Variants in N4BP1 observed in about 807,000 individuals in gnomAD.
N4BP1 encodes the protein NEDD4 binding protein 1.
N4BP1 carries 21 observed loss-of-function variants against 70.9 expected under a neutral mutation model. That is an observed-to-expected ratio of 0.30 (90% CI 0.21 to 0.43). The LOEUF (loss-of-function observed/expected upper bound fraction) is 0.43, where lower values mean the gene tolerates loss of function less well. Among genes scored for constraint, N4BP1 ranks in the 20% least tolerant of loss-of-function variants. The probability of loss-of-function intolerance (pLI) is 1.00; values close to 1 mark genes in which losing one functional copy is unlikely to be tolerated. For synonymous variants in N4BP1, 387 were observed against 394.6 expected, an observed-to-expected ratio of 0.98 and a Z score of 0.23; for missense variants, 936 against 1,069.4, an observed-to-expected ratio of 0.88 and a Z score of 1.74.
rs908126070 is a variant in N4BP1 at position 48,542,599 on chromosome 16, G to A, written c.*305C>T. On this transcript the variant is annotated 3_prime_UTR_variant, in exon 7 of 7. Transcript: ENST00000262384. Reference sequence around the variant, plus strand: ...AATATTTTCGGCTTTAAGGAAAATAGTTTAAAAAACATAAAAAGGTAAATA... The same window carrying A: ...AATATTTTCGGCTTTAAGGAAAATAATTTAAAAAACATAAAAAGGTAAATA... 3.7e-5 allele frequency: 9 copies of A among 242,328 alleles called. No homozygotes were observed. Among genetic ancestry groups the A allele is most frequent in the Non-Finnish European group, 6.3e-5 (8 of 127,904 alleles). The allele number at this position is 242,328 out of a possible 1,614,324, so 15.0% of individuals were successfully genotyped here.
chr16:48,583,003 T>C (rs939698044), intron 1 of N4BP1, among the ~76,000 whole-genome samples: 4 of 152,204 alleles, frequency 2.6e-5, no homozygotes, highest in African/African-American at 4.8e-5. Flanking sequence ...GGGGAACTGC[T>C]TGAGCCCAGT....
At chr16:48,596,288 G>C (rs1179783904) in intron 1 of N4BP1, among the ~76,000 whole-genome samples, 1 of 152,050 alleles carries the variant, frequency 6.6e-6, no homozygotes, top group Non-Finnish European at 1.5e-5. Context: ...CCTTATCCTA[G>C]AACTCAGTAT....
intron 1 of N4BP1, among the ~76,000 whole-genome samples, chr16:48,584,884 T>G (rs980411003): frequency 4.6e-5 from 7 of 152,224 alleles, no homozygotes; most frequent in African/African-American, 1.7e-4. Flanking sequence ...AATACTAATT[T>G]AAAAATAGAT....
At chr16:48,555,151 T>C (rs3826176) in intron 2 of N4BP1, among the ~76,000 whole-genome samples, 92,530 of 152,148 alleles carry the variant, frequency 0.61, 30,534 homozygotes, top group East Asian at 0.9. Flanking sequence ...TTCTATGAAG[T>C]TATTTCTAGA....
chr16:48,545,953 G>GT, intron 6 of N4BP1, 194 bp downstream of exon 6: 2 of 432,470 alleles, frequency 4.6e-6, no homozygotes, highest in South Asian at 5.7e-5. Flanking sequence ...CTGAAGCCCA[G>GT]TGGGGCAAAG....
In N4BP1 at chr16:48,610,011, G is replaced by T; in HGVS notation, c.-39C>A. ...TCCCGCGGCGGCGCCGGGGGCCGGC[G>T]GCGGCGACGCCCCCTCAGCTTGCTG... is the stretch of plus-strand genomic sequence containing the variant. On this transcript the variant is annotated 5_prime_UTR_variant, in exon 1 of 7. Coordinates refer to ENST00000262384, the MANE Select transcript of N4BP1 (RefSeq NM_153029.4). 9.2e-7 allele frequency: 1 copy of T among 1,088,526 alleles called. No individual in the cohort carries two copies. Among genetic ancestry groups the T allele is most frequent in the Non-Finnish European group, 1.1e-6 (1 of 892,720 alleles). The allele number at this position is 1,088,526 out of a possible 1,614,324, so 67.4% of individuals were successfully genotyped here.
At chr16:48,547,933 C>T (rs1358254379) in intron 5 of N4BP1, 74 bp downstream of exon 5, 18 of 1,012,914 alleles carry the variant, frequency 1.8e-5, no homozygotes, top group Non-Finnish European at 2.6e-5. Flanking sequence ...GAAAACAAAA[C>T]GAACAAAATG....
chr16:48,553,915 A>G (rs1963711933), intron 2 of N4BP1, among the ~76,000 whole-genome samples: 1 of 152,190 alleles, frequency 6.6e-6, no homozygotes, highest in African/African-American at 2.4e-5. Flanking sequence ...TGTTGTTATG[A>G]TAGAAAGCAG....
chr16:48,556,353 G>C (rs1321544397), intron 2 of N4BP1, among the ~76,000 whole-genome samples: 1 of 152,172 alleles, frequency 6.6e-6, no homozygotes, highest in Non-Finnish European at 1.5e-5. Context: ...CCTATACCCT[G>C]AGCAGGCAGA....
intron 1 of N4BP1, among the ~76,000 whole-genome samples, chr16:48,608,514 TGA>T (rs1964621164): frequency 6.6e-6 from 1 of 152,152 alleles, no homozygotes; most frequent in Non-Finnish European, 1.5e-5. Context: ...GCTCATCATA[TGA>T]GAGGCAAGTA....
chr16:48,599,657 A>T (rs569535806), intron 1 of N4BP1, among the ~76,000 whole-genome samples: 5 of 152,334 alleles, frequency 3.3e-5, no homozygotes, highest in African/African-American at 1.2e-4. Context: ...AAACACATGG[A>T]AAATAATGTA....
chr16:48,543,132 G>A lies in N4BP1; in HGVS notation c.2463C>T (p.Ser821=), dbSNP rs1567423983. Residue 821 remains serine, a synonymous_variant, in exon 7 of 7, where the codon AGC becomes AGT. Coordinates refer to ENST00000262384, the MANE Select transcript of N4BP1 (RefSeq NM_153029.4). ...AGTGGGGCTGCTGAGGGAGCCAGTGGCTTGAAGGGGCTCCCTGAATCCGGG... is the reference window on the plus strand; with the variant it reads ...AGTGGGGCTGCTGAGGGAGCCAGTGACTTGAAGGGGCTCCCTGAATCCGGG... ...PPTRIQGAPS[S]HWLPQQPHFP... 1 of 1,608,120 alleles carries A rather than the reference G, an allele frequency of 6.2e-7. No individual in the cohort carries two copies. Among genetic ancestry groups the A allele is most frequent in the Non-Finnish European group, 8.5e-7 (1 of 1,175,078 alleles).
chr16:48,590,701 C>T (rs1964323787), intron 1 of N4BP1, among the ~76,000 whole-genome samples: 2 of 152,184 alleles, frequency 1.3e-5, no homozygotes, highest in Non-Finnish European at 2.9e-5. Flanking sequence ...GGGCAGATGT[C>T]CAATAACTGT....
At chr16:48,603,849 G>A (rs1964537675) in intron 1 of N4BP1, 1 of 152,354 alleles carries the variant, frequency 6.6e-6, no homozygotes, top group African/African-American at 2.4e-5. Context: ...CTTAATCCTT[G>A]CAGCTCACTC....
intron 1 of N4BP1, among the ~76,000 whole-genome samples, chr16:48,576,179 A>G (rs539675013): frequency 5.3e-5 from 8 of 152,212 alleles, no homozygotes; most frequent in Non-Finnish European, 8.8e-5. Flanking sequence ...CAGAAAAAAA[A>G]CAAATTTTTA....
intron 2 of N4BP1, among the ~76,000 whole-genome samples, chr16:48,555,431 C>A (rs907138105): frequency 1.3e-5 from 2 of 152,212 alleles, no homozygotes; most frequent in African/African-American, 4.8e-5. Context: ...TCACGAACAT[C>A]TAATGCTCTG....
intron 2 of N4BP1, among the ~76,000 whole-genome samples, chr16:48,556,460 A>G (rs1238976619): frequency 6.6e-6 from 1 of 152,190 alleles, no homozygotes; most frequent in Non-Finnish European, 1.5e-5. Context: ...TTTCGACCCA[A>G]AGTATATATA....
chr16:48,543,786 A>C (rs935813223), intron 6 of N4BP1, among the ~76,000 whole-genome samples: 1 of 152,114 alleles, frequency 6.6e-6, no homozygotes, highest in Admixed American at 6.5e-5. Context: ...TATCGCTCAA[A>C]AGCCTCCCAC....
At chr16:48,608,418 A>T (rs1964619378) in intron 1 of N4BP1, among the ~76,000 whole-genome samples, 1 of 152,230 alleles carries the variant, frequency 6.6e-6, no homozygotes, top group South Asian at 2.1e-4. Flanking sequence ...ATCAGGAGAT[A>T]CGACTACTCA....
Sources: gnomAD v4.1 joint callset for allele counts (sites outside exome capture counted in the v4.1 genomes callset) on GRCh38, gnomAD v4.1.1 for gene constraint, MANE v1.5 for transcripts, NCBI Gene and HGNC (gene_info 2026-07-23, HGNC 2026-07-21) for gene names.